The following FAM174A variants were observed in gnomAD, a reference collection of about 807,000 sequenced individuals.
FAM174A encodes membrane protein FAM174A.
A neutral mutation model predicts 14.3 loss-of-function variants in FAM174A; 14 were observed. The observed-to-expected ratio is 0.98, with a 90% confidence interval of 0.65 to 1.53. The LOEUF is 1.53. Among genes scored for constraint, FAM174A ranks in the 40% most tolerant of loss-of-function variants. The pLI is 0.00. For missense variants in FAM174A, 241 were observed against 249.6 expected, an observed-to-expected ratio of 0.97 and a Z score of 0.23; for synonymous variants, 108 against 111.4, an observed-to-expected ratio of 0.97 and a Z score of 0.19.
At position 100,551,143 on chromosome 5, in the gene FAM174A, A is replaced by G. The variant is rs186243262; in HGVS notation, c.435-10911A>G. Among the ~76,000 whole-genome samples the G allele has an allele frequency of 9.7e-4, 148 of 152,284 alleles. 1 individual carries two copies. Among genetic ancestry groups the G allele is most frequent in the Admixed American group, 2.0e-3 (30 of 15,276 alleles). On this transcript the variant is annotated intron_variant, in intron 1 of 2. Transcript: ENST00000312637. ...ATGATAGGATAGCAGTGGTATGGTA[A>G]GCAATATAAATGAATTTAAATTATT... is the stretch of plus-strand genomic sequence containing the variant.
At chr5:100,582,561 TTAAG>T (rs1320984191) in intron 2 of FAM174A, among the ~76,000 whole-genome samples, 2 of 152,062 alleles carry the variant, frequency 1.3e-5, no homozygotes, top group South Asian at 2.1e-4. Flanking sequence ...AGGATTTAAA[TTAAG>T]TAGTAGTAAA....
At chr5:100,586,156 T>C (rs189827970) in intron 2 of FAM174A, 25 bp from the exon 3 acceptor site, 4 of 1,256,360 alleles carry the variant, frequency 3.2e-6, no homozygotes, top group East Asian at 4.8e-5. Context: ...AGGATATTTA[T>C]GGTATTTTTT....
intron 1 of FAM174A, among the ~76,000 whole-genome samples, chr5:100,546,945 A>G (rs1190532704): frequency 2.0e-5 from 3 of 152,052 alleles, no homozygotes; most frequent in Non-Finnish European, 2.9e-5. Flanking sequence ...TTTATTCTAT[A>G]TAATGTTATT....
intron 1 of FAM174A, among the ~76,000 whole-genome samples, chr5:100,536,992 A>G (rs754655418): frequency 2.0e-5 from 3 of 152,244 alleles, no homozygotes; most frequent in African/African-American, 4.8e-5. Flanking sequence ...TCAAAATAAT[A>G]CATTCTGTTA....
At chr5:100,564,372 A>T (rs1430188089) in intron 2 of FAM174A, among the ~76,000 whole-genome samples, 1 of 151,854 alleles carries the variant, frequency 6.6e-6, no homozygotes. Flanking sequence ...TATGGGATGC[A>T]GCAAAAGCAT....
chr5:100,583,418 G>A (rs1379705847), intron 2 of FAM174A, among the ~76,000 whole-genome samples: 2 of 152,170 alleles, frequency 1.3e-5, no homozygotes, highest in Admixed American at 1.3e-4. Flanking sequence ...TGTCATAAAA[G>A]AAGTTGAAAG....
intron 2 of FAM174A, among the ~76,000 whole-genome samples, chr5:100,563,392 T>A (rs530538932): frequency 9.0e-6 from 1 of 111,422 alleles, no homozygotes; most frequent in Admixed American, 8.9e-5. Context: ...AAAAACTATC[T>A]CTTGAGACAA....
intron 2 of FAM174A, among the ~76,000 whole-genome samples, chr5:100,577,793 AC>A (rs1409319751): frequency 1.3e-5 from 2 of 152,076 alleles, no homozygotes; most frequent in African/African-American, 4.8e-5. Flanking sequence ...CTTAAAGGGA[AC>A]TTTGCTGTGT....
At chr5:100,566,177 TATA>T (rs1216803776) in intron 2 of FAM174A, among the ~76,000 whole-genome samples, 159 of 143,720 alleles carry the variant, frequency 1.1e-3, no homozygotes, top group Middle Eastern at 3.6e-3. Context: ...TATATGTACA[TATA>T]ATATATATAA....
At chr5:100,537,396 G>T (rs1381296492) in intron 1 of FAM174A, among the ~76,000 whole-genome samples, 1 of 151,938 alleles carries the variant, frequency 6.6e-6, no homozygotes, top group Non-Finnish European at 1.5e-5. Context: ...TTTCATAAAA[G>T]TTATGTTAAC....
At position 100,535,700 on chromosome 5, in the gene FAM174A, CACCGGGCCCTACCCCTGCCCAGCA is replaced by C. The variant is rs1298855307; in HGVS notation, c.171_194del (p.Pro60_Gly67del). The C allele has an allele frequency of 3.7e-6, 6 of 1,608,330 alleles. No homozygotes were observed. The highest frequency in any genetic ancestry group is 2.7e-5 in the African/African-American group (2 of 74,916). On this transcript the variant is annotated inframe_deletion, in exon 1 of 3. Coordinates refer to ENST00000312637, the MANE Select transcript of FAM174A (RefSeq NM_198507.3). ...AGACCACGGACATTACCGCCGCTGC[CACCGGGCCCTACCCCTGCCCAGCA>C]GCCGGGCCGTGGTCTGGCTGAAGCT...
At chr5:100,547,170 C>T (rs1255957745) in intron 1 of FAM174A, among the ~76,000 whole-genome samples, 3 of 152,156 alleles carry the variant, frequency 2.0e-5, no homozygotes, top group Admixed American at 6.5e-5. Flanking sequence ...TGTTAGTTTT[C>T]AGTGGGAATA....
At chr5:100,569,532 CTG>C (rs1344791271) in intron 2 of FAM174A, among the ~76,000 whole-genome samples, 4 of 151,632 alleles carry the variant, frequency 2.6e-5, no homozygotes, top group South Asian at 2.1e-4. Flanking sequence ...AGGAATAACT[CTG>C]TGCAAATGTG....
Position 100,558,214 on chromosome 5 carries a change from G to A in FAM174A, c.435-3840G>A, listed in dbSNP as rs1245739114. On this transcript the variant is annotated intron_variant, in intron 1 of 2. Transcript: ENST00000312637. ...TTATGTACCCAGTAGTCATTCAGGA[G>A]CAGGTTGTTCAGTTTCCATGTAGTT... 4.6e-5 allele frequency among the ~76,000 whole-genome samples: 7 copies of A among 152,314 alleles called. No individual in the cohort carries two copies. In the East Asian group the frequency reaches 1.2e-3, roughly 25 times the overall value.
chr5:100,571,672 G>GTGTATATA (rs1554047761), intron 2 of FAM174A, among the ~76,000 whole-genome samples: 24 of 136,644 alleles, frequency 1.8e-4, no homozygotes, highest in Non-Finnish European at 2.2e-4. Context: ...GTGTGTGTGT[G>GTGTATATA]TATATATATA....
intron 2 of FAM174A, among the ~76,000 whole-genome samples, chr5:100,574,816 G>T (rs989328276): frequency 6.6e-6 from 1 of 152,126 alleles, no homozygotes; most frequent in Non-Finnish European, 1.5e-5. Flanking sequence ...TTTTATTTCT[G>T]GCCTGGACAG....
intron 2 of FAM174A, among the ~76,000 whole-genome samples, chr5:100,581,633 A>G (rs904400119): frequency 3.9e-5 from 6 of 152,126 alleles, no homozygotes; most frequent in South Asian, 2.1e-4. Context: ...AATAATTCCA[A>G]TTGGGCATAT....
chr5:100,564,841 CA>C (rs1456438441), intron 2 of FAM174A, among the ~76,000 whole-genome samples: 2 of 151,710 alleles, frequency 1.3e-5, no homozygotes, highest in African/African-American at 2.4e-5. Context: ...ATTCGAAGTC[CA>C]AACAGACAAG....
chr5:100,562,232 C>T, intron 2 of FAM174A, 44 bp downstream of exon 2: 1 of 1,527,742 alleles, frequency 6.5e-7, no homozygotes, highest in Non-Finnish European at 8.8e-7. Flanking sequence ...GGAAGCAAGT[C>T]CTTGCCAAGT....
Sources: allele counts gnomAD v4.1 joint callset (sites outside exome capture counted in the v4.1 genomes callset), GRCh38; gene constraint gnomAD v4.1.1; transcripts MANE v1.5; gene names NCBI Gene and HGNC (gene_info 2026-07-23, HGNC 2026-07-21).